The following DLG2 variants were observed in gnomAD, a reference collection of about 807,000 sequenced individuals.
The protein encoded by DLG2 is discs large MAGUK scaffold protein 2.
In DLG2, 45 loss-of-function variants were observed where a neutral mutation model predicts 132.5. The ratio of observed to expected loss-of-function variants is 0.34; its 90% CI spans 0.27 to 0.44. DLG2 has a LOEUF of 0.44. Ranked by LOEUF, DLG2 falls within the 20% of genes least tolerant of loss-of-function variation. The pLI is 1.00. For missense variants in DLG2, 1,045 were observed against 1,196.9 expected, an observed-to-expected ratio of 0.87 and a Z score of 1.87; for synonymous variants, 424 against 419.6, an observed-to-expected ratio of 1.01 and a Z score of -0.13.
chr11:83,691,220 T>C (rs2080936707), intron 18 of DLG2, among the ~76,000 whole-genome samples: 1 of 152,224 alleles, frequency 6.6e-6, no homozygotes, highest in Non-Finnish European at 1.5e-5. Context: ...AAATATGCAC[T>C]TGATCTCACC....
intron 14 of DLG2, among the ~76,000 whole-genome samples, chr11:83,959,064 C>T (rs192058661): frequency 3.4e-4 from 52 of 152,166 alleles, no homozygotes; most frequent in Non-Finnish European, 6.0e-4. Flanking sequence ...AATCAGATAT[C>T]TACATCACAA....
chr11:84,317,225 GT>G, intron 7 of DLG2: 1 of 1,520,092 alleles, frequency 6.6e-7, no homozygotes, highest in Non-Finnish European at 8.8e-7. Context: ...CTTCCAGCCA[GT>G]TGTAAAAGTC....
chr11:84,857,121 A>G (rs2082898398), intron 6 of DLG2, among the ~76,000 whole-genome samples: 1 of 151,708 alleles, frequency 6.6e-6, no homozygotes, highest in African/African-American at 2.4e-5. Context: ...TCTGGGCAAA[A>G]ACAGTTAGAG....
intron 7 of DLG2, among the ~76,000 whole-genome samples, chr11:84,373,109 G>A (rs2098712645): frequency 6.6e-6 from 1 of 151,758 alleles, no homozygotes; most frequent in Non-Finnish European, 1.5e-5. Flanking sequence ...GGAAGCAACT[G>A]AGTCCTAAAT....
chr11:83,890,649 G>T (rs531430666), intron 15 of DLG2, among the ~76,000 whole-genome samples: 1 of 152,144 alleles, frequency 6.6e-6, no homozygotes, highest in Non-Finnish European at 1.5e-5. Context: ...GTAAATAATA[G>T]TACCTTTTCA....
chr11:84,228,231 T>C (rs1384545074), intron 8 of DLG2, among the ~76,000 whole-genome samples: 1 of 152,200 alleles, frequency 6.6e-6, no homozygotes, highest in Non-Finnish European at 1.5e-5. Context: ...CCCTATTGCT[T>C]TTTTTGGTTA....
intron 7 of DLG2, among the ~76,000 whole-genome samples, chr11:84,307,173 CAG>C (rs1020265252): frequency 1.3e-5 from 2 of 152,092 alleles, no homozygotes; most frequent in African/African-American, 4.8e-5. Context: ...AGCCATAAAA[CAG>C]AATGAAATTA....
chr11:85,197,443 A>G (rs2081154217), intron 4 of DLG2, among the ~76,000 whole-genome samples: 1 of 152,206 alleles, frequency 6.6e-6, no homozygotes, highest in South Asian at 2.1e-4. Flanking sequence ...CTAGACTCAC[A>G]CCAAGAACCA....
At chr11:85,032,149 C>A (rs1437396572) in intron 6 of DLG2, among the ~76,000 whole-genome samples, 4 of 151,930 alleles carry the variant, frequency 2.6e-5, no homozygotes, top group African/African-American at 7.3e-5. Flanking sequence ...TAACTTCCCT[C>A]AAGTTTATCA....
chr11:85,600,468 C>T (rs1018105520), intron 2 of DLG2, among the ~76,000 whole-genome samples: 2 of 152,170 alleles, frequency 1.3e-5, no homozygotes, highest in South Asian at 2.1e-4. Flanking sequence ...GGCACCTACA[C>T]GCACATGAGT....
intron 18 of DLG2, among the ~76,000 whole-genome samples, chr11:83,672,805 G>A (rs1459243430): frequency 2.0e-5 from 3 of 152,200 alleles, no homozygotes; most frequent in Non-Finnish European, 4.4e-5. Flanking sequence ...GCTCACGCCT[G>A]TAATCCCAGC....
At chr11:84,251,148 G>T in intron 8 of DLG2, 90 bp downstream of exon 8, 2 of 736,686 alleles carry the variant, frequency 2.7e-6, no homozygotes, top group East Asian at 3.1e-5. Context: ...TATTTAGTTT[G>T]GGTGAAACTA....
At chr11:85,026,493 T>A (rs1431813835) in intron 6 of DLG2, among the ~76,000 whole-genome samples, 2 of 152,156 alleles carry the variant, frequency 1.3e-5, no homozygotes, top group Non-Finnish European at 2.9e-5. Flanking sequence ...ATATATATTG[T>A]TAAAGCTTTA....
At chr11:84,513,754 A>G (rs957100070) in intron 7 of DLG2, among the ~76,000 whole-genome samples, 3 of 151,832 alleles carry the variant, frequency 2.0e-5, no homozygotes, top group Non-Finnish European at 4.4e-5. Context: ...GAAAAAAACC[A>G]TCCAGGACAT....
At position 84,459,797 on chromosome 11, in the gene DLG2, C is replaced by T. The variant is rs1445211588; in HGVS notation, c.519+74773G>A. Among the ~76,000 whole-genome samples the T allele has an allele frequency of 1.3e-5, 2 of 150,076 alleles. 1 individual carries two copies. The highest frequency in any genetic ancestry group is 4.9e-5 in the African/African-American group (2 of 41,084). On this transcript the variant is annotated intron_variant, in intron 7 of 27. Transcript: ENST00000376104. ...ACATCTTTTAATACTTCTATTTGGC[C>T]CATATCTTGAGTTTTTGACAAAAAT...
intron 6 of DLG2, among the ~76,000 whole-genome samples, chr11:84,872,721 C>T (rs1309788056): frequency 6.6e-6 from 1 of 152,206 alleles, no homozygotes; most frequent in Non-Finnish European, 1.5e-5. Flanking sequence ...CATAGTCTCA[C>T]ATTTTTAAAC....
chr11:84,053,843 T>G (rs1306719951), intron 11 of DLG2, among the ~76,000 whole-genome samples: 1 of 151,980 alleles, frequency 6.6e-6, no homozygotes, highest in Admixed American at 6.6e-5. Flanking sequence ...ATAGTTACCA[T>G]TTTTCCTGTA....
At chr11:85,306,471 A>G (rs184089276) in intron 3 of DLG2, among the ~76,000 whole-genome samples, 77 of 152,288 alleles carry the variant, frequency 5.1e-4, no homozygotes, top group African/African-American at 1.9e-3. Flanking sequence ...ATTAACTACA[A>G]CCTGTCCAGA....
At chr11:84,583,089 T>C (rs1305004606) in intron 6 of DLG2, among the ~76,000 whole-genome samples, 1 of 152,242 alleles carries the variant, frequency 6.6e-6, no homozygotes, top group African/African-American at 2.4e-5. Context: ...TTGTCATTTT[T>C]ATGCTTCATT....
Sources: gnomAD v4.1 joint callset for allele counts (sites outside exome capture counted in the v4.1 genomes callset) on GRCh38, gnomAD v4.1.1 for gene constraint, MANE v1.5 for transcripts, NCBI Gene and HGNC (gene_info 2026-07-23, HGNC 2026-07-21) for gene names.